ATP2A2: variants seen among roughly 807,000 people sequenced by gnomAD.
The protein encoded by ATP2A2 is sarcoplasmic/endoplasmic reticulum calcium ATPase 2.
Under a neutral mutation model 109.3 loss-of-function variants are expected in ATP2A2, and 14 were observed. The ratio of observed to expected loss-of-function variants is 0.13; its 90% CI spans 0.08 to 0.20. The LOEUF (loss-of-function observed/expected upper bound fraction) is 0.20, where lower values mean the gene tolerates loss of function less well. Ranked by LOEUF, ATP2A2 falls within the 10% of genes least tolerant of loss-of-function variation. The probability of loss-of-function intolerance (pLI) is 1.00; values close to 1 mark genes in which losing one functional copy is unlikely to be tolerated. For missense variants in ATP2A2, 657 were observed against 1,321.6 expected (o/e 0.50, Z 7.80); for synonymous variants, 506 against 490.9 (o/e 1.03, Z -0.41).
intron 6 of ATP2A2, chr12:110,326,041 C>T (rs374867585): frequency 3.3e-6 from 1 of 305,302 alleles, no homozygotes. Flanking sequence ...AAGTATACAA[C>T]AAATATATGT....
rs1222143228 is a variant in ATP2A2, at chr12:110,343,212, C to CTTTTCTTGA, written c.2319-17_2319-9dup. On this transcript the variant is annotated intron_variant, in intron 15 of 19. Transcript: ENST00000539276. The stretch of plus-strand genomic sequence containing the variant: ...AAGTCATTTGGGCTCTCTTTGTCTT[C>CTTTTCTTGA]TTTTCTTGATTGGAAACAGTATTTT... The CTTTTCTTGA allele has an allele frequency of 6.2e-7, 1 of 1,612,884 alleles. No homozygotes were observed. Among genetic ancestry groups the CTTTTCTTGA allele is most frequent in the Non-Finnish European group, 8.5e-7 (1 of 1,179,326 alleles).
chr12:110,348,609 G>A lies in ATP2A2; in HGVS notation c.*2139G>A, dbSNP rs1880108039. 2.0e-6 allele frequency: 2 copies of A among 985,400 alleles called. No homozygotes were observed. Among genetic ancestry groups the A allele is most frequent in the South Asian group, 4.7e-5 (1 of 21,290 alleles). 61.0% of individuals were successfully genotyped at this position (985,400 alleles called of 1,614,324 possible). Reference sequence around the variant, plus strand: ...TGGTTGGGTGTGGTGGCTCATGCCTGTAAGTAAGTCTCAGCCCTTTGGAGG... The same window carrying A: ...TGGTTGGGTGTGGTGGCTCATGCCTATAAGTAAGTCTCAGCCCTTTGGAGG... On this transcript the variant is annotated 3_prime_UTR_variant, in exon 20 of 20. Coordinates refer to ENST00000539276, the MANE Select transcript of ATP2A2 (RefSeq NM_170665.4).
At chr12:110,285,882 C>T (rs544194746) in intron 3 of ATP2A2, among the ~76,000 whole-genome samples, 85 of 145,998 alleles carry the variant, frequency 5.8e-4, no homozygotes, top group South Asian at 2.2e-3. Flanking sequence ...GTGTGTGTCT[C>T]TTTTCTTCCT....
At chr12:110,336,024 C>T (rs1878811457) in intron 11 of ATP2A2, among the ~76,000 whole-genome samples, 1 of 152,222 alleles carries the variant, frequency 6.6e-6, no homozygotes, top group Non-Finnish European at 1.5e-5. Flanking sequence ...TCTAATAGGT[C>T]CACCAGACCA....
intron 14 of ATP2A2, among the ~76,000 whole-genome samples, chr12:110,341,746 G>C (rs925391135): frequency 6.6e-6 from 1 of 152,132 alleles, no homozygotes; most frequent in Non-Finnish European, 1.5e-5. Flanking sequence ...GGTGGTGGGC[G>C]CCTGTAATCC....
chr12:110,338,184 A>G (rs11065630), intron 11 of ATP2A2, among the ~76,000 whole-genome samples: 4,112 of 152,244 alleles, frequency 0.027, 89 homozygotes, highest in Admixed American at 0.05. Context: ...AGTTACTCCC[A>G]TGATCTCTTC....
intron 11 of ATP2A2, among the ~76,000 whole-genome samples, chr12:110,338,306 G>A (rs915852190): frequency 3.9e-5 from 6 of 152,160 alleles, no homozygotes; most frequent in African/African-American, 1.4e-4. Context: ...TATCCATCAC[G>A]TGTGACAGCC....
intron 5 of ATP2A2, among the ~76,000 whole-genome samples, chr12:110,303,936 G>C (rs182406854): frequency 1.3e-3 from 197 of 152,290 alleles, no homozygotes; most frequent in African/African-American, 4.5e-3. Context: ...CTTAATTCCA[G>C]AACATTTTCA....
chr12:110,332,827 A>G (rs2137830559), intron 9 of ATP2A2, 142 bp downstream of exon 9: 1 of 840,838 alleles, frequency 1.2e-6, no homozygotes, highest in Non-Finnish European at 2.0e-6. Flanking sequence ...AAATGTTTTT[A>G]AAACAAAAAC....
chr12:110,349,931 T>A lies in ATP2A2; in HGVS notation c.*3461T>A, dbSNP rs1215572645. On this transcript the variant is annotated 3_prime_UTR_variant, in exon 20 of 20. Transcript: ENST00000539276. ...GGAAGGCTGTGCTGCTACTGGCTGC[T>A]CACTTCTCCATCAACCTCACCCTCT... The A allele has an allele frequency of 8.6e-6, 10 of 1,160,484 alleles. No individual in the cohort carries two copies. Among genetic ancestry groups the A allele is most frequent in the Non-Finnish European group, 1.1e-5 (10 of 934,944 alleles). The allele number at this position is 1,160,484 out of a possible 1,614,324, so 71.9% of individuals were successfully genotyped here.
chr12:110,303,021 T>C (rs1214501676), intron 5 of ATP2A2, among the ~76,000 whole-genome samples: 3 of 152,190 alleles, frequency 2.0e-5, no homozygotes, highest in African/African-American at 4.8e-5. Flanking sequence ...TTAGAATGTA[T>C]GTGGGCATTT....
At chr12:110,333,863 T>G in intron 10 of ATP2A2, 149 bp from the exon 11 acceptor site, 1 of 948,494 alleles carries the variant, frequency 1.1e-6, no homozygotes, top group South Asian at 1.5e-5. Context: ...TTTAATTATC[T>G]GGGTCACCTG....
intron 7 of ATP2A2, among the ~76,000 whole-genome samples, 168 bp downstream of exon 7, chr12:110,326,643 G>C (rs570169477): frequency 3.3e-5 from 5 of 152,290 alleles, no homozygotes; most frequent in Admixed American, 2.0e-4. Context: ...GTGTGACTTA[G>C]ATGTCTTTTA....
At chr12:110,321,501 C>T (rs1426014708) in intron 5 of ATP2A2, among the ~76,000 whole-genome samples, 2 of 152,174 alleles carry the variant, frequency 1.3e-5, no homozygotes, top group African/African-American at 2.4e-5. Context: ...GACAAAGTCT[C>T]GCTCTGTCTC....
intron 3 of ATP2A2, among the ~76,000 whole-genome samples, chr12:110,290,611 A>G (rs1873158135): frequency 6.6e-6 from 1 of 152,144 alleles, no homozygotes; most frequent in South Asian, 2.1e-4. Context: ...TAAGAAGTAT[A>G]GTTGTTTTTT....
chr12:110,302,331 CAATG>C lies in ATP2A2; in HGVS notation c.463+5598_463+5601del, dbSNP rs552556542. Reference sequence around the variant, plus strand: ...TCCCTTTATTTGAATATTCAAAAGACAATGAATTTAATATTCAAAAAAAACCTGA... The same window carrying C: ...TCCCTTTATTTGAATATTCAAAAGACAATTTAATATTCAAAAAAAACCTGA... On this transcript the variant is annotated intron_variant, in intron 5 of 19. Transcript: ENST00000539276. 3.2e-4 allele frequency among the ~76,000 whole-genome samples: 48 copies of C among 152,110 alleles called. No homozygotes were observed. In the East Asian group the frequency reaches 7.5e-3, roughly 24 times the overall value.
chr12:110,309,478 T>G (rs143474814), intron 5 of ATP2A2, among the ~76,000 whole-genome samples: 2 of 152,276 alleles, frequency 1.3e-5, no homozygotes, highest in African/African-American at 4.8e-5. Flanking sequence ...ATTTTATATG[T>G]TGCTATACCA....
At chr12:110,313,502 A>T (rs1876326537) in intron 5 of ATP2A2, among the ~76,000 whole-genome samples, 1 of 151,276 alleles carries the variant, frequency 6.6e-6, no homozygotes, top group South Asian at 2.1e-4. Context: ...TTTAGTAGAG[A>T]TGGGGTTTCA....
intron 1 of ATP2A2, 153 bp downstream of exon 1, chr12:110,282,060 A>G (rs1872158788): frequency 3.7e-6 from 2 of 535,878 alleles, no homozygotes; most frequent in Non-Finnish European, 6.2e-6. Context: ...GCGGGAGAGA[A>G]AGGGGCTGCG....
Sources: allele counts gnomAD v4.1 joint callset (sites outside exome capture counted in the v4.1 genomes callset), GRCh38; gene constraint gnomAD v4.1.1; transcripts MANE v1.5; gene names NCBI Gene and HGNC (gene_info 2026-07-23, HGNC 2026-07-21).